The following DACH1 variants were observed in gnomAD, a reference collection of about 807,000 sequenced individuals.
DACH1 encodes dachshund homolog 1.
Under a neutral mutation model 54.2 loss-of-function variants are expected in DACH1, and 12 were observed. The ratio of observed to expected loss-of-function variants is 0.22; its 90% CI spans 0.14 to 0.36. DACH1 has a LOEUF of 0.36. Ranked by LOEUF, DACH1 falls within the 10% of genes least tolerant of loss-of-function variation. The probability of loss-of-function intolerance (pLI) is 1.00; values close to 1 mark genes in which losing one functional copy is unlikely to be tolerated. For synonymous variants in DACH1, 386 were observed against 366.2 expected (o/e 1.05, Z -0.62); for missense variants, 805 against 929.8 (o/e 0.87, Z 1.75).
chr13:71,589,482 A>C (rs989540835), intron 3 of DACH1, among the ~76,000 whole-genome samples: 1 of 151,954 alleles, frequency 6.6e-6, no homozygotes, highest in Non-Finnish European at 1.5e-5. Context: ...TATTTTGATA[A>C]ACATAGTAAA....
At chr13:71,607,674 T>C (rs540722422) in intron 3 of DACH1, among the ~76,000 whole-genome samples, 1 of 152,132 alleles carries the variant, frequency 6.6e-6, no homozygotes, top group Non-Finnish European at 1.5e-5. Flanking sequence ...TGGATGAAAG[T>C]GACTACTAAG....
At chr13:71,699,335 C>A (rs73523444) in intron 1 of DACH1, among the ~76,000 whole-genome samples, 13,771 of 152,196 alleles carry the variant, frequency 0.09, 1,729 homozygotes, top group African/African-American at 0.28. Flanking sequence ...CTTACACTTC[C>A]AAGCAGTCAA....
chr13:71,860,885 G>A (rs1874305665), intron 1 of DACH1, among the ~76,000 whole-genome samples: 2 of 151,940 alleles, frequency 1.3e-5, no homozygotes, highest in African/African-American at 4.8e-5. Context: ...ATTTACTAAT[G>A]CTACTTATAC....
chr13:71,440,742 A>T lies in DACH1; in HGVS notation c.2084-50T>A, dbSNP rs79372274. 8,153 of 1,394,010 alleles carry T rather than the reference A, an allele frequency of 5.8e-3. 402 individuals are homozygous for T. The African/African-American group carries it at 0.1, about 17-fold the overall frequency. The allele number at this position is 1,394,010 out of a possible 1,614,324, so 86.4% of individuals were successfully genotyped here. A position where few individuals can be genotyped will look rare whatever the true frequency, so the allele number is the denominator to read the frequency against. ...ATTAATGGCATGGTATTTGGGGTAC[A>T]AATGTGCATGTAAAAATGATGTAAC... On this transcript the variant is annotated intron_variant, in intron 10 of 10. Transcript: ENST00000613252.
chr13:71,493,900 A>T (rs1049660733), intron 6 of DACH1, among the ~76,000 whole-genome samples: 3 of 152,204 alleles, frequency 2.0e-5, no homozygotes, highest in Admixed American at 2.0e-4. Context: ...AATGAGTCAT[A>T]CAAGTAAAAT....
intron 1 of DACH1, among the ~76,000 whole-genome samples, chr13:71,775,135 T>C (rs1007753348): frequency 1.5e-5 from 2 of 131,526 alleles, no homozygotes; most frequent in East Asian, 4.2e-4. Flanking sequence ...AGCTTTTTTT[T>C]TTTTTTTTTT....
Position 71,866,730 on chromosome 13 carries a change from C to G in DACH1, c.40G>C (p.Val14Leu). The G allele has an allele frequency of 1.4e-6, 2 of 1,435,532 alleles. No individual in the cohort carries two copies. The highest frequency in any genetic ancestry group is 1.9e-4 in the Middle Eastern group (1 of 5,280). The allele number at this position is 1,435,532 out of a possible 1,614,324, so 88.9% of individuals were successfully genotyped here. A position where few individuals can be genotyped will look rare whatever the true frequency, so the allele number is the denominator to read the frequency against. Residue 14 changes from valine to leucine, a missense_variant, in exon 1 of 11, where the codon GTC (valine) becomes CTC (leucine). Transcript: ENST00000613252. ...PAALIPPTQLVPPQPPISTSA... is the reference protein window; with the variant it reads ...PAALIPPTQLLPPQPPISTSA... ...GTGGAGATTGGGGGTTGAGGGGGGA[C>G]CAGCTGGGTCGGAGGGATCAAAGCC...
intron 3 of DACH1, among the ~76,000 whole-genome samples, chr13:71,628,263 C>T (rs1022247901): frequency 6.6e-6 from 1 of 151,970 alleles, no homozygotes; most frequent in Non-Finnish European, 1.5e-5. Flanking sequence ...TGCTTTGTAC[C>T]TCCCCCATTA....
intron 6 of DACH1, among the ~76,000 whole-genome samples, chr13:71,537,907 C>A (rs571790948): frequency 6.6e-6 from 1 of 152,018 alleles, no homozygotes; most frequent in Non-Finnish European, 1.5e-5. Flanking sequence ...TCATAAGGTT[C>A]TTTCTACTGA....
intron 2 of DACH1, among the ~76,000 whole-genome samples, chr13:71,667,122 CTG>C (rs1425646589): frequency 1.3e-5 from 2 of 151,924 alleles, no homozygotes; most frequent in African/African-American, 2.4e-5. Flanking sequence ...TAAAGAGAAA[CTG>C]AGAAAAAAAC....
intron 4 of DACH1, among the ~76,000 whole-genome samples, chr13:71,568,146 G>A (rs1885000962): frequency 6.6e-6 from 1 of 151,946 alleles, no homozygotes; most frequent in Non-Finnish European, 1.5e-5. Flanking sequence ...ATACTCCAAA[G>A]TATCTGAAGA....
At chr13:71,508,900 C>T (rs915448550) in intron 6 of DACH1, among the ~76,000 whole-genome samples, 9 of 152,150 alleles carry the variant, frequency 5.9e-5, no homozygotes, top group Non-Finnish European at 1.3e-4. Flanking sequence ...CTCTATTCCT[C>T]GCAGTGATAC....
At chr13:71,784,537 G>T (rs1259938181) in intron 1 of DACH1, among the ~76,000 whole-genome samples, 4 of 151,986 alleles carry the variant, frequency 2.6e-5, no homozygotes, top group Non-Finnish European at 4.4e-5. Context: ...AGTATGTTTG[G>T]CTTCACAAAC....
At chr13:71,678,585 G>T (rs111521795) in intron 2 of DACH1, among the ~76,000 whole-genome samples, 2,811 of 151,910 alleles carry the variant, frequency 0.019, 92 homozygotes, top group African/African-American at 0.063. Flanking sequence ...AAACTAACTC[G>T]CTCCCTGCCT....
intron 6 of DACH1, among the ~76,000 whole-genome samples, chr13:71,548,047 TA>T (rs1489290197): frequency 6.6e-6 from 1 of 152,192 alleles, no homozygotes; most frequent in Non-Finnish European, 1.5e-5. Flanking sequence ...CGTGAGGTTA[TA>T]AAAAATTTTA....
chr13:71,636,083 C>T (rs1877470929), intron 2 of DACH1, among the ~76,000 whole-genome samples: 1 of 152,084 alleles, frequency 6.6e-6, no homozygotes, highest in Non-Finnish European at 1.5e-5. Context: ...TGCGCCCACC[C>T]TGCTTTTACA....
chr13:71,682,591 T>C (rs1464599993), intron 1 of DACH1, among the ~76,000 whole-genome samples: 1 of 152,222 alleles, frequency 6.6e-6, no homozygotes, highest in Non-Finnish European at 1.5e-5. Context: ...TTAACCCTTA[T>C]TCTATTTAAG....
At chr13:71,651,822 C>A (rs1351216694) in intron 2 of DACH1, among the ~76,000 whole-genome samples, 1 of 152,074 alleles carries the variant, frequency 6.6e-6, no homozygotes, top group African/African-American at 2.4e-5. Flanking sequence ...AAACTGCAAG[C>A]TGTATTTGTA....
At chr13:71,737,093 A>G (rs1449757468) in intron 1 of DACH1, among the ~76,000 whole-genome samples, 1 of 152,014 alleles carries the variant, frequency 6.6e-6, no homozygotes, top group Admixed American at 6.6e-5. Flanking sequence ...TCTACTAAAA[A>G]TACAAAAATT....
Sources: allele counts gnomAD v4.1 joint callset (sites outside exome capture counted in the v4.1 genomes callset), GRCh38; gene constraint gnomAD v4.1.1; transcripts MANE v1.5; gene names NCBI Gene and HGNC (gene_info 2026-07-23, HGNC 2026-07-21).